Variants in DENND5A observed in about 807,000 individuals in gnomAD.
The protein encoded by DENND5A is DENN domain-containing protein 5A.
In DENND5A, 64 loss-of-function variants were observed where a neutral mutation model predicts 140.3. The observed-to-expected ratio is 0.46, with a 90% CI of 0.37 to 0.56. The LOEUF (loss-of-function observed/expected upper bound fraction) is 0.56, where lower values mean the gene tolerates loss of function less well. Among genes scored for constraint, DENND5A ranks in the 20% least tolerant of loss-of-function variants. The pLI is 0.00. For missense variants in DENND5A, 1,292 were observed against 1,593.8 expected, an observed-to-expected ratio of 0.81 and a Z score of 3.22; for synonymous variants, 605 against 607.7, an observed-to-expected ratio of 1.00 and a Z score of 0.07.
chr11:9,170,266 T>C, intron 9 of DENND5A: 1 of 984,550 alleles, frequency 1.0e-6, no homozygotes, highest in South Asian at 4.7e-5. Flanking sequence ...AATGAGTAAT[T>C]CTGCTAACTT....
At chr11:9,248,518 G>A (rs945385645) in intron 1 of DENND5A, among the ~76,000 whole-genome samples, 4 of 152,046 alleles carry the variant, frequency 2.6e-5, no homozygotes, top group African/African-American at 7.2e-5. Context: ...AGACAGGTGT[G>A]GTGGCATGTG....
rs566447085 is a variant in DENND5A at position 9,243,958 on chromosome 11, A to C, written c.109+21003T>G. Reference sequence around the variant, plus strand: ...CTAGCTTACTTTATTGTGAGACTACAGTATATAATACATTTAACATACAAA... The same window carrying C: ...CTAGCTTACTTTATTGTGAGACTACCGTATATAATACATTTAACATACAAA... On this transcript the variant is annotated intron_variant, in intron 1 of 22. Coordinates refer to ENST00000328194, the MANE Select transcript of DENND5A (RefSeq NM_015213.4). Among the ~76,000 whole-genome samples the C allele has an allele frequency of 7.0e-4, 107 of 152,348 alleles. 1 individual carries two copies. Among genetic ancestry groups the C allele is most frequent in the African/African-American group, 2.5e-3 (104 of 41,574 alleles).
chr11:9,223,672 T>A (rs1850412161), intron 1 of DENND5A, among the ~76,000 whole-genome samples: 1 of 151,994 alleles, frequency 6.6e-6, no homozygotes, highest in Admixed American at 6.6e-5. Context: ...TGAGCTATGA[T>A]CACACCACTG....
chr11:9,255,269 G>A (rs1251817208), intron 1 of DENND5A, among the ~76,000 whole-genome samples: 1 of 152,132 alleles, frequency 6.6e-6, no homozygotes, highest in Admixed American at 6.6e-5. Context: ...AGCTGTTTTG[G>A]AAAACAGACT....
At chr11:9,239,714 T>TGCCTCC (rs1190602769) in intron 1 of DENND5A, among the ~76,000 whole-genome samples, 1 of 151,936 alleles carries the variant, frequency 6.6e-6, no homozygotes, top group Non-Finnish European at 1.5e-5. Context: ...CTCCTGCCTC[T>TGCCTCC]GCCTCCCAAA....
intron 13 of DENND5A, 54 bp from the exon 14 acceptor site, chr11:9,150,818 A>T (rs1847590638): frequency 1.7e-6 from 2 of 1,196,778 alleles, no homozygotes; most frequent in East Asian, 4.8e-5. Flanking sequence ...CAAATAGCTG[A>T]CTGCCCTTCC....
intron 1 of DENND5A, 143 bp downstream of exon 1, chr11:9,264,818 C>T (rs1852370608): frequency 6.0e-6 from 4 of 665,656 alleles, no homozygotes; most frequent in Non-Finnish European, 7.5e-6. Context: ...CAGTCCAAAG[C>T]CCCCTTCGCC....
At position 9,139,319 on chromosome 11, in the gene DENND5A, C is replaced by T. The variant is rs1564875393; in HGVS notation, c.*352G>A. The T allele has an allele frequency of 1.4e-5, 3 of 214,348 alleles. No homozygotes were observed. Among genetic ancestry groups the T allele is most frequent in the Non-Finnish European group, 2.8e-5 (3 of 107,262 alleles). The allele number at this position is 214,348 out of a possible 1,614,324, so 13.3% of individuals were successfully genotyped here. ...ATGATGTGGAAGGGCCTCATTAATG[C>T]GACGGGGCAAGGAAACATAACTGTC... is the stretch of plus-strand genomic sequence containing the variant. On this transcript the variant is annotated 3_prime_UTR_variant, in exon 23 of 23. Transcript: ENST00000328194.
intron 1 of DENND5A, among the ~76,000 whole-genome samples, chr11:9,241,566 T>C (rs1851234861): frequency 6.6e-6 from 1 of 152,132 alleles, no homozygotes; most frequent in African/African-American, 2.4e-5. Context: ...TTCTAATACA[T>C]CAAGTATACT....
rs1206583305 is a variant in DENND5A at position 9,203,640 on chromosome 11, T to C, written c.949+20A>G. 1 of 1,595,208 alleles carries C rather than the reference T, an allele frequency of 6.3e-7. No homozygotes were observed. On this transcript the variant is annotated intron_variant, in intron 4 of 22. Coordinates refer to ENST00000328194, the MANE Select transcript of DENND5A (RefSeq NM_015213.4). Reference sequence around the variant, plus strand: ...AAGAAGCCTGAGGCAGGCAGAAGGCTCTAGTAAGCACTGACTTACGCTGTG... The same window carrying C: ...AAGAAGCCTGAGGCAGGCAGAAGGCCCTAGTAAGCACTGACTTACGCTGTG...
intron 1 of DENND5A, among the ~76,000 whole-genome samples, chr11:9,254,158 G>GA (rs10718465): frequency 1.1e-3 from 103 of 91,824 alleles, no homozygotes; most frequent in South Asian, 5.2e-3. Flanking sequence ...CTCTGTCTCA[G>GA]AAAAAAAAAA....
intron 9 of DENND5A, chr11:9,170,368 GA>G (rs1848329572): frequency 1.2e-6 from 1 of 840,122 alleles, no homozygotes; most frequent in Non-Finnish European, 1.4e-6. Flanking sequence ...GGCATGAGAT[GA>G]TTTTAACCCA....
intron 4 of DENND5A, among the ~76,000 whole-genome samples, chr11:9,194,568 TAA>T (rs769353868): frequency 8.1e-5 from 11 of 136,102 alleles, no homozygotes; most frequent in Admixed American, 7.4e-5. Context: ...GACTCCTTCT[TAA>T]AAAAAAAAAA....
intron 12 of DENND5A, among the ~76,000 whole-genome samples, chr11:9,153,947 C>CT (rs1220013947): frequency 2.0e-5 from 3 of 152,254 alleles, no homozygotes; most frequent in Non-Finnish European, 4.4e-5. Context: ...TGCTTTGTCT[C>CT]TTTCTAATCA....
intron 1 of DENND5A, among the ~76,000 whole-genome samples, chr11:9,246,384 G>A (rs991097949): frequency 2.0e-5 from 3 of 151,966 alleles, no homozygotes; most frequent in African/African-American, 4.8e-5. Flanking sequence ...AGGCCCAGGC[G>A]GGAGGATCAT....
chr11:9,218,032 A>AT (rs1471559528), intron 1 of DENND5A, among the ~76,000 whole-genome samples: 1 of 152,188 alleles, frequency 6.6e-6, no homozygotes, highest in Non-Finnish European at 1.5e-5. Context: ...GTGGGTAGAG[A>AT]TTGTTTGAGT....
At chr11:9,156,798 G>C (rs192249629) in intron 12 of DENND5A, among the ~76,000 whole-genome samples, 1 of 150,910 alleles carries the variant, frequency 6.6e-6, no homozygotes, top group African/African-American at 2.4e-5. Context: ...CGAGACTCTC[G>C]AAGGAAAGAG....
chr11:9,179,300 A>G (rs1451857774), intron 6 of DENND5A, among the ~76,000 whole-genome samples: 1 of 152,172 alleles, frequency 6.6e-6, no homozygotes, highest in Non-Finnish European at 1.5e-5. Context: ...GATATCCAAC[A>G]ACTCAATGAA....
At chr11:9,148,974 A>C (rs545456293) in intron 15 of DENND5A, among the ~76,000 whole-genome samples, 1 of 152,368 alleles carries the variant, frequency 6.6e-6, no homozygotes, top group South Asian at 2.1e-4. Context: ...AACACTGTGC[A>C]AAGAGTAAGC....
Sources: allele counts gnomAD v4.1 joint callset (sites outside exome capture counted in the v4.1 genomes callset), GRCh38; gene constraint gnomAD v4.1.1; transcripts MANE v1.5; gene names NCBI Gene and HGNC (gene_info 2026-07-23, HGNC 2026-07-21).